Variants in KCNMA1 observed in about 807,000 individuals in gnomAD.
KCNMA1 encodes the protein Calcium-activated potassium channel subunit alpha-1.
A neutral mutation model predicts 140.0 loss-of-function variants in KCNMA1; 29 were observed. That is an observed-to-expected ratio of 0.21 (90% CI 0.15 to 0.28). KCNMA1 has a LOEUF of 0.28. Ranked by LOEUF, KCNMA1 falls within the 10% of genes least tolerant of loss-of-function variation. The pLI is 1.00. For missense variants in KCNMA1, 880 were observed against 1,602.2 expected, an observed-to-expected ratio of 0.55 and a Z score of 7.70; for synonymous variants, 612 against 611.9, an observed-to-expected ratio of 1.00 and a Z score of 0.00.
At chr10:76,970,346 A>T (rs2075705934) in intron 19 of KCNMA1, 1 of 377,148 alleles carries the variant, frequency 2.7e-6, no homozygotes, top group Non-Finnish European at 4.9e-6. Context: ...AAAAAAAAAA[A>T]AGAAATCATG....
intron 1 of KCNMA1, among the ~76,000 whole-genome samples, chr10:77,478,853 G>C (rs928106927): frequency 3.9e-5 from 6 of 152,180 alleles, no homozygotes; most frequent in African/African-American, 1.4e-4. Context: ...TAAGGAAAAG[G>C]AGTGAGCATC....
chr10:77,629,577 C>T (rs1307615259), intron 1 of KCNMA1, among the ~76,000 whole-genome samples: 3 of 152,186 alleles, frequency 2.0e-5, no homozygotes, highest in Admixed American at 6.5e-5. Flanking sequence ...TTTACATTTG[C>T]ATGACTCAGT....
At chr10:77,251,983 T>C (rs1377714761) in intron 2 of KCNMA1, among the ~76,000 whole-genome samples, 3 of 152,250 alleles carry the variant, frequency 2.0e-5, no homozygotes, top group Non-Finnish European at 4.4e-5. Context: ...GTATGATCTA[T>C]ATGATTAGAA....
intron 3 of KCNMA1, among the ~76,000 whole-genome samples, chr10:77,222,191 T>G (rs1045810791): frequency 2.0e-5 from 3 of 152,196 alleles, no homozygotes; most frequent in Non-Finnish European, 2.9e-5. Context: ...CTGGCTTTGC[T>G]AAAGATGAAG....
At chr10:77,304,082 G>C (rs1223057941) in intron 2 of KCNMA1, among the ~76,000 whole-genome samples, 1 of 152,118 alleles carries the variant, frequency 6.6e-6, no homozygotes, top group African/African-American at 2.4e-5. Flanking sequence ...TGGGCCATAA[G>C]AACCACAATG....
At chr10:76,878,855 T>A (rs1195999732) in intron 29 of KCNMA1, among the ~76,000 whole-genome samples, 1 of 152,120 alleles carries the variant, frequency 6.6e-6, no homozygotes, top group African/African-American at 2.4e-5. Flanking sequence ...TGGCCATGTG[T>A]ATAGATAGGA....
chr10:77,209,926 AC>A (rs1488328361), intron 3 of KCNMA1, among the ~76,000 whole-genome samples: 2 of 137,354 alleles, frequency 1.5e-5, no homozygotes, highest in Non-Finnish European at 3.2e-5. Context: ...AAACCTACCA[AC>A]CAAAAAAAAA....
chr10:77,529,091 T>C (rs987427426), intron 1 of KCNMA1, among the ~76,000 whole-genome samples: 7 of 151,928 alleles, frequency 4.6e-5, no homozygotes, highest in Admixed American at 2.6e-4. Flanking sequence ...TTTACCATAA[T>C]AATAAAAAAA....
chr10:76,988,434 G>C (rs994015310), intron 19 of KCNMA1, among the ~76,000 whole-genome samples: 4 of 152,120 alleles, frequency 2.6e-5, no homozygotes, highest in African/African-American at 9.7e-5. Flanking sequence ...AGGCTGAGGT[G>C]AGAGGATTGC....
At chr10:77,356,620 A>T (rs1408326243) in intron 2 of KCNMA1, among the ~76,000 whole-genome samples, 1 of 152,228 alleles carries the variant, frequency 6.6e-6, no homozygotes, top group Non-Finnish European at 1.5e-5. Flanking sequence ...CAATGGGATC[A>T]GCTGGGCAAA....
chr10:77,464,774 G>A (rs2097951655), intron 1 of KCNMA1, among the ~76,000 whole-genome samples: 1 of 152,194 alleles, frequency 6.6e-6, no homozygotes, highest in East Asian at 1.9e-4. Flanking sequence ...CTGGTGTGAG[G>A]ACAGGAAGGG....
intron 3 of KCNMA1, among the ~76,000 whole-genome samples, chr10:77,215,407 C>T (rs1432007173): frequency 5.3e-5 from 7 of 132,920 alleles, no homozygotes; most frequent in Non-Finnish European, 8.0e-5. Context: ...TTTATTTTTG[C>T]TTTTTTTTTT....
At chr10:77,151,909 T>C (rs756210034) in intron 5 of KCNMA1, among the ~76,000 whole-genome samples, 2 of 152,148 alleles carry the variant, frequency 1.3e-5, no homozygotes, top group Non-Finnish European at 2.9e-5. Flanking sequence ...TCTGATGCAG[T>C]TTTTTCATGG....
intron 3 of KCNMA1, among the ~76,000 whole-genome samples, chr10:77,192,584 A>C (rs1212508096): frequency 6.6e-6 from 1 of 152,152 alleles, no homozygotes; most frequent in Non-Finnish European, 1.5e-5. Flanking sequence ...TCTCTTCTGT[A>C]AACTGGGGAT....
At chr10:77,625,597 T>C (rs1002819698) in intron 1 of KCNMA1, among the ~76,000 whole-genome samples, 3 of 152,218 alleles carry the variant, frequency 2.0e-5, no homozygotes, top group African/African-American at 7.2e-5. Flanking sequence ...CTCATGTAAG[T>C]GGAAGTTATC....
Position 76,885,482 on chromosome 10 carries a change from A to G in KCNMA1, c.*1784T>C, listed in dbSNP as rs1158171754. The stretch of plus-strand genomic sequence containing the variant: ...CATTTGTCAGTAAAAGTGCTTGTCA[A>G]TTCACACAGCAAGCAAATATCCAAA... On this transcript the variant is annotated 3_prime_UTR_variant, in exon 28 of 28. Transcript: ENST00000286628. The G allele has an allele frequency of 4.1e-6, 4 of 985,272 alleles. No individual in the cohort carries two copies. The East Asian group carries it at 4.5e-4, about 112-fold the overall frequency. 61.0% of individuals were successfully genotyped at this position (985,272 alleles called of 1,614,324 possible). A position where few individuals can be genotyped will look rare whatever the true frequency, so the allele number is the denominator to read the frequency against.
chr10:77,465,694 A>G (rs1603626380), intron 1 of KCNMA1, among the ~76,000 whole-genome samples: 2 of 152,298 alleles, frequency 1.3e-5, no homozygotes, highest in South Asian at 4.2e-4. Flanking sequence ...TCCCTCCAAC[A>G]TAGACTAGAA....
intron 9 of KCNMA1, among the ~76,000 whole-genome samples, chr10:77,105,674 G>A (rs2097185183): frequency 6.6e-6 from 1 of 152,164 alleles, no homozygotes; most frequent in African/African-American, 2.4e-5. Context: ...CAAAAACTCA[G>A]AGCACAGCAC....
At chr10:76,936,393 C>T (rs756757582) in intron 23 of KCNMA1, among the ~76,000 whole-genome samples, 26 of 152,100 alleles carry the variant, frequency 1.7e-4, no homozygotes, top group Non-Finnish European at 3.8e-4. Context: ...AGAGGCTACT[C>T]CAGTGTGGTA....
Sources: gnomAD v4.1 joint callset for allele counts (sites outside exome capture counted in the v4.1 genomes callset) on GRCh38, gnomAD v4.1.1 for gene constraint, MANE v1.5 for transcripts, NCBI Gene and HGNC (gene_info 2026-07-23, HGNC 2026-07-21) for gene names.